TNRC6B: variants seen among roughly 807,000 people sequenced by gnomAD.
TNRC6B encodes the protein trinucleotide repeat-containing gene 6B protein.
A neutral mutation model predicts 203.6 loss-of-function variants in TNRC6B; 52 were observed. That is an observed-to-expected ratio of 0.26 (90% confidence interval 0.20 to 0.32). The LOEUF is 0.32. Ranked by LOEUF, TNRC6B falls within the 10% of genes least tolerant of loss-of-function variation. The pLI is 1.00. For synonymous variants in TNRC6B, 838 were observed against 845.7 expected (o/e 0.99, Z 0.16); for missense variants, 1,923 against 2,286.2 (o/e 0.84, Z 3.24).
intron 1 of TNRC6B, among the ~76,000 whole-genome samples, chr22:40,115,917 T>G (rs764938555): frequency 2.0e-5 from 3 of 152,226 alleles, no homozygotes; most frequent in Non-Finnish European, 2.9e-5. Context: ...CAAGAAAGAC[T>G]GCTGTGATAC....
chr22:40,087,374 C>T (rs1007386881), intron 1 of TNRC6B, among the ~76,000 whole-genome samples: 3 of 152,138 alleles, frequency 2.0e-5, no homozygotes, highest in South Asian at 2.1e-4. Flanking sequence ...TTAAGCTTTT[C>T]ATTAATTCAG....
chr22:40,163,309 G>A (rs1489302651), intron 4 of TNRC6B, among the ~76,000 whole-genome samples: 1 of 142,578 alleles, frequency 7.0e-6, no homozygotes, highest in Non-Finnish European at 1.5e-5. Context: ...AGCTTCTCAA[G>A]ATCACCTGAG....
rs761040745 is a variant in TNRC6B, at chr22:40,265,319, A to G, written c.1089A>G (p.Glu363=). 1 of 1,614,054 alleles carries G rather than the reference A, an allele frequency of 6.2e-7. No individual in the cohort carries two copies. The highest frequency in any genetic ancestry group is 8.5e-7 in the Non-Finnish European group (1 of 1,179,908). The part of the protein sequence containing the change: ...AGVNFVVSGR[E]QAQIHNTDGP... ...TTAATTTTGTTGTCTCTGGCAGAGA[A>G]CAGGCTCAAATTCATAACACTGATG... is the stretch of plus-strand genomic sequence containing the variant. Residue 363 remains glutamate, a synonymous_variant, in exon 5 of 23, where the codon GAA becomes GAG. Coordinates refer to ENST00000454349, the MANE Select transcript of TNRC6B (RefSeq NM_001162501.2).
intron 3 of TNRC6B, among the ~76,000 whole-genome samples, chr22:40,133,398 A>G (rs564014570): frequency 2.0e-5 from 3 of 152,314 alleles, no homozygotes; most frequent in East Asian, 1.9e-4. Context: ...TCGTAGGTAC[A>G]GGCATGCAAA....
intron 6 of TNRC6B, among the ~76,000 whole-genome samples, chr22:40,272,736 C>A (rs1384108577): frequency 6.6e-6 from 1 of 152,208 alleles, no homozygotes; most frequent in Non-Finnish European, 1.5e-5. Flanking sequence ...TTTCTCTCTG[C>A]TTTCCTTTCT....
intron 1 of TNRC6B, among the ~76,000 whole-genome samples, chr22:40,235,040 T>C (rs957311571): frequency 6.6e-6 from 1 of 152,224 alleles, no homozygotes; most frequent in Admixed American, 6.5e-5. Flanking sequence ...TTCATTGTAC[T>C]CCTTTGTTAA....
chr22:40,170,325 T>C lies in TNRC6B; in HGVS notation c.113+14143T>C, dbSNP rs1355181646. Among the ~76,000 whole-genome samples the C allele has an allele frequency of 4.4e-5, 5 of 114,152 alleles. No individual in the cohort carries two copies. In the East Asian group the frequency reaches 8.8e-4, roughly 20 times the overall value. The allele number at this position is 114,152 out of a possible 152,430, so 74.9% of individuals were successfully genotyped here. On this transcript the variant is annotated intron_variant, in intron 4 of 23. Coordinates refer to the TNRC6B transcript ENST00000301923. ...TATAATATATATTTTATATATATTA[T>C]ATATATTATATATAGTTTATATATA...
At chr22:40,154,890 TATATAC>T (rs1199136799) in intron 3 of TNRC6B, among the ~76,000 whole-genome samples, 1,490 of 43,348 alleles carry the variant, frequency 0.034, 84 homozygotes, top group African/African-American at 0.067. Flanking sequence ...TATATATATA[TATATAC>T]ATATATATAT....
intron 1 of TNRC6B, among the ~76,000 whole-genome samples, chr22:40,081,756 A>G (rs1185542823): frequency 6.6e-6 from 1 of 152,246 alleles, no homozygotes; most frequent in East Asian, 1.9e-4. Context: ...GTGGCCCTCA[A>G]TACATACTTC....
chr22:40,273,939 G>T (rs755692021), intron 7 of TNRC6B, among the ~76,000 whole-genome samples: 2 of 152,138 alleles, frequency 1.3e-5, no homozygotes, highest in Non-Finnish European at 2.9e-5. Context: ...GAGCTACCAT[G>T]CCTAGCCAGA....
At chr22:40,205,365 C>G (rs2069465411) in intron 1 of TNRC6B, among the ~76,000 whole-genome samples, 1 of 152,172 alleles carries the variant, frequency 6.6e-6, no homozygotes, top group Non-Finnish European at 1.5e-5. Flanking sequence ...TTGGTATTGG[C>G]TAAGGTCAGA....
intron 12 of TNRC6B, among the ~76,000 whole-genome samples, chr22:40,286,888 T>C (rs2070791663): frequency 1.3e-5 from 2 of 152,232 alleles, no homozygotes; most frequent in Non-Finnish European, 2.9e-5. Flanking sequence ...AGTCCCTCCT[T>C]AGAATGTTAT....
intron 7 of TNRC6B, among the ~76,000 whole-genome samples, chr22:40,275,073 C>T (rs1359090733): frequency 6.6e-6 from 1 of 152,202 alleles, no homozygotes; most frequent in Non-Finnish European, 1.5e-5. Flanking sequence ...CCCCTTTGCC[C>T]TTTGCCTATA....
intron 21 of TNRC6B, among the ~76,000 whole-genome samples, chr22:40,319,703 C>T (rs902536889): frequency 5.3e-5 from 8 of 152,092 alleles, no homozygotes; most frequent in Non-Finnish European, 1.2e-4. Context: ...GGATTACAGG[C>T]GTGAGCCACC....
At chr22:40,139,689 A>G (rs528523033) in intron 3 of TNRC6B, among the ~76,000 whole-genome samples, 1 of 152,106 alleles carries the variant, frequency 6.6e-6, no homozygotes, top group African/African-American at 2.4e-5. Context: ...CCACCTTTTG[A>G]CTGCTATGAA....
intron 1 of TNRC6B, among the ~76,000 whole-genome samples, chr22:40,229,022 C>T (rs1186576695): frequency 6.6e-6 from 1 of 152,040 alleles, no homozygotes; most frequent in Non-Finnish European, 1.5e-5. Context: ...CCTAAGGTGT[C>T]CTTTGAAGTC....
intron 9 of TNRC6B, among the ~76,000 whole-genome samples, chr22:40,279,299 G>A (rs978943579): frequency 6.6e-6 from 1 of 152,180 alleles, no homozygotes; most frequent in African/African-American, 2.4e-5. Context: ...ATTCTGGGTA[G>A]TAAAGGAAGT....
chr22:40,074,380 C>T (rs1311929070), intron 1 of TNRC6B, among the ~76,000 whole-genome samples: 1 of 151,796 alleles, frequency 6.6e-6, no homozygotes, highest in African/African-American at 2.4e-5. Flanking sequence ...CATGGTGGCT[C>T]ATGACTGTAA....
At chr22:40,141,958 T>G (rs2068648116) in intron 3 of TNRC6B, among the ~76,000 whole-genome samples, 1 of 151,560 alleles carries the variant, frequency 6.6e-6, no homozygotes, top group Non-Finnish European at 1.5e-5. Context: ...GTATTTTTAG[T>G]ACCGTGTTAG....
Sources: gnomAD v4.1 joint callset for allele counts (sites outside exome capture counted in the v4.1 genomes callset) on GRCh38, gnomAD v4.1.1 for gene constraint, MANE v1.5 for transcripts, NCBI Gene and HGNC (gene_info 2026-07-23, HGNC 2026-07-21) for gene names.